UBTD1: variants seen among roughly 807,000 people sequenced by gnomAD.
UBTD1 encodes ubiquitin domain-containing protein 1.
UBTD1 carries 19 observed loss-of-function variants against 21.7 expected under a neutral mutation model. That is an observed-to-expected ratio of 0.87 (90% CI 0.61 to 1.28). The LOEUF is 1.28. Ranked by LOEUF, UBTD1 falls within the 50% of genes most tolerant of loss-of-function variation. The pLI, the probability that UBTD1 is intolerant of heterozygous loss-of-function variation, is 0.00. For synonymous variants in UBTD1, 116 were observed against 135.1 expected (o/e 0.86, Z 0.98); for missense variants, 282 against 315.1 (o/e 0.89, Z 0.80).
chr10:97,528,384 TG>T (rs1223025575), intron 1 of UBTD1, among the ~76,000 whole-genome samples: 3 of 87,702 alleles, frequency 3.4e-5, no homozygotes, highest in Non-Finnish European at 4.7e-5. Flanking sequence ...ACAGGGCGGC[TG>T]GCCGGGCGGG....
At chr10:97,524,933 G>C (rs1042456362) in intron 1 of UBTD1, among the ~76,000 whole-genome samples, 1 of 152,158 alleles carries the variant, frequency 6.6e-6, no homozygotes, top group South Asian at 2.1e-4. Flanking sequence ...TGGCCTCCCT[G>C]GCTGCAAGCA....
At chr10:97,546,821 G>A (rs916998344) in intron 1 of UBTD1, among the ~76,000 whole-genome samples, 2 of 152,044 alleles carry the variant, frequency 1.3e-5, no homozygotes, top group Non-Finnish European at 2.9e-5. Context: ...TCATATTCTA[G>A]TTATAATTCA....
chr10:97,516,992 C>T (rs1252562513), intron 1 of UBTD1, among the ~76,000 whole-genome samples: 1 of 151,966 alleles, frequency 6.6e-6, no homozygotes, highest in Non-Finnish European at 1.5e-5. Flanking sequence ...GAGCCTGTGA[C>T]CAGGGAGAGG....
chr10:97,519,590 C>A (rs1029999951), intron 1 of UBTD1, among the ~76,000 whole-genome samples: 1 of 152,168 alleles, frequency 6.6e-6, no homozygotes, highest in Non-Finnish European at 1.5e-5. Flanking sequence ...GAATCACAGT[C>A]TCTGGGGATT....
At chr10:97,518,606 C>G (rs538203814) in intron 1 of UBTD1, among the ~76,000 whole-genome samples, 2 of 152,226 alleles carry the variant, frequency 1.3e-5, no homozygotes, top group African/African-American at 4.8e-5. Context: ...CCTGCCTGCT[C>G]GTTTCCAATC....
intron 1 of UBTD1, among the ~76,000 whole-genome samples, chr10:97,507,338 T>G (rs2040403365): frequency 6.6e-6 from 1 of 152,076 alleles, no homozygotes; most frequent in South Asian, 2.1e-4. Context: ...TCTGAGTGTG[T>G]TAGAATTGTG....
intron 1 of UBTD1, among the ~76,000 whole-genome samples, chr10:97,561,164 T>C (rs1472123506): frequency 6.6e-6 from 1 of 152,084 alleles, no homozygotes; most frequent in Non-Finnish European, 1.5e-5. Context: ...GGTGAGGCGT[T>C]CCACCGGGTC....
intron 1 of UBTD1, among the ~76,000 whole-genome samples, chr10:97,550,769 A>G (rs1365737904): frequency 2.0e-5 from 3 of 152,154 alleles, no homozygotes; most frequent in African/African-American, 4.8e-5. Context: ...ACACTCATAG[A>G]TGCACACCAG....
intron 1 of UBTD1, among the ~76,000 whole-genome samples, chr10:97,502,654 T>C (rs1366462209): frequency 1.3e-5 from 2 of 152,168 alleles, no homozygotes; most frequent in African/African-American, 4.8e-5. Flanking sequence ...AGAAAGTTAT[T>C]GAGGTGAAAT....
intron 1 of UBTD1, among the ~76,000 whole-genome samples, chr10:97,519,588 G>C (rs747942224): frequency 6.6e-6 from 1 of 152,184 alleles, no homozygotes. Flanking sequence ...ATGAATCACA[G>C]TCTCTGGGGA....
intron 1 of UBTD1, among the ~76,000 whole-genome samples, chr10:97,527,518 G>T (rs531487677): frequency 6.6e-6 from 1 of 150,804 alleles, no homozygotes; most frequent in African/African-American, 2.4e-5. Context: ...GGTGTTTCTC[G>T]CAGAGGGGGA....
chr10:97,514,015 CTT>C (rs57603791), intron 1 of UBTD1, among the ~76,000 whole-genome samples: 5 of 144,160 alleles, frequency 3.5e-5, no homozygotes, highest in African/African-American at 5.1e-5. Context: ...TTCTTTCTTT[CTT>C]TTTTTTTTTT....
At chr10:97,567,398 C>T (rs1439370002) in intron 1 of UBTD1, among the ~76,000 whole-genome samples, 2 of 147,040 alleles carry the variant, frequency 1.4e-5, no homozygotes, top group East Asian at 2.1e-4. Flanking sequence ...CGGTGGCTCA[C>T]GCCTGTAATC....
At chr10:97,508,679 T>C (rs1228981727) in intron 1 of UBTD1, among the ~76,000 whole-genome samples, 5 of 152,102 alleles carry the variant, frequency 3.3e-5, no homozygotes, top group Non-Finnish European at 7.4e-5. Context: ...CACATTGCTG[T>C]CCCTTCTTCC....
Position 97,499,066 on chromosome 10 carries a change from GC to G in UBTD1, c.-137del. ...AAGTTTTGGCGGAGCCATCGCTGGG[GC>G]TGAGCGCGCCCCCGGGGGGAGATCG... On this transcript the variant is annotated 5_prime_UTR_variant, in exon 1 of 3. Transcript: ENST00000370664. The G allele has an allele frequency of 1.0e-6, 1 of 978,350 alleles. No homozygotes were observed. Among genetic ancestry groups the G allele is most frequent in the South Asian group, 1.8e-5 (1 of 55,884 alleles). 60.6% of individuals were successfully genotyped at this position (978,350 alleles called of 1,614,324 possible).
intron 1 of UBTD1, among the ~76,000 whole-genome samples, chr10:97,509,282 TAGAG>T (rs1413680388): frequency 6.6e-6 from 1 of 152,220 alleles, no homozygotes; most frequent in Non-Finnish European, 1.5e-5. Flanking sequence ...GCAGAAATCA[TAGAG>T]AGGGCAGCGG....
intron 1 of UBTD1, among the ~76,000 whole-genome samples, chr10:97,556,367 C>T (rs2040664188): frequency 6.6e-6 from 1 of 152,210 alleles, no homozygotes. Context: ...TCTTCAGCTG[C>T]TAGCAAGTAC....
Position 97,498,968 on chromosome 10 carries a change from G to T in UBTD1, c.-236G>T, listed in dbSNP as rs2040281540. On this transcript the variant is annotated 5_prime_UTR_variant, in exon 1 of 3. Transcript: ENST00000370664. ...AGCTGGTCTCCGGCCGGGCACCGTC[G>T]CGGGCCCCCCTGGCCCGGCCACCTG... The T allele has an allele frequency of 2.0e-5, 9 of 446,894 alleles. No individual in the cohort carries two copies. In the East Asian group the frequency reaches 3.3e-4, roughly 16 times the overall value. 27.7% of individuals were successfully genotyped at this position (446,894 alleles called of 1,614,324 possible).
intron 1 of UBTD1, among the ~76,000 whole-genome samples, chr10:97,538,936 A>G (rs1402680528): frequency 1.3e-5 from 2 of 152,102 alleles, no homozygotes; most frequent in Non-Finnish European, 2.9e-5. Flanking sequence ...TAGAGCTGGA[A>G]CGGGCCCTGG....
Sources: allele counts gnomAD v4.1 joint callset (sites outside exome capture counted in the v4.1 genomes callset), GRCh38; gene constraint gnomAD v4.1.1; transcripts MANE v1.5; gene names NCBI Gene and HGNC (gene_info 2026-07-23, HGNC 2026-07-21).